The following LRRC4C variants were observed in gnomAD, a reference collection of about 807,000 sequenced individuals.
LRRC4C encodes the protein leucine rich repeat containing 4C, also known as leucine-rich repeat-containing protein 4C.
In LRRC4C, 5 loss-of-function variants were observed where a neutral mutation model predicts 33.6. The ratio of observed to expected loss-of-function variants is 0.15; its 90% CI spans 0.08 to 0.31. The LOEUF is 0.31. Ranked by LOEUF, LRRC4C falls within the 10% of genes least tolerant of loss-of-function variation. The probability of loss-of-function intolerance (pLI) is 1.00; values close to 1 mark genes in which losing one functional copy is unlikely to be tolerated. For missense variants in LRRC4C, 560 were observed against 796.7 expected (o/e 0.70, Z 3.58); for synonymous variants, 329 against 302.0 (o/e 1.09, Z -0.93).
At chr11:40,508,501 AC>A (rs111301991) in intron 3 of LRRC4C, among the ~76,000 whole-genome samples, 2,890 of 152,242 alleles carry the variant, frequency 0.019, 101 homozygotes, top group African/African-American at 0.065. Flanking sequence ...TGAAAAAAAA[AC>A]CTGCCTTGTC....
intron 3 of LRRC4C, among the ~76,000 whole-genome samples, chr11:40,504,284 G>C (rs1282024491): frequency 6.6e-6 from 1 of 152,094 alleles, no homozygotes; most frequent in Admixed American, 6.6e-5. Context: ...TGAGTTTAAA[G>C]ACATAAAAAT....
In LRRC4C at chr11:40,792,241, G is replaced by A. The variant is rs531946037; in HGVS notation, c.-407+141394C>T. Among the ~76,000 whole-genome samples, 195 of 151,296 alleles carry A rather than the reference G, an allele frequency of 1.3e-3. 1 individual carries two copies. In the South Asian group the frequency reaches 0.018, roughly 14 times the overall value. Reference sequence around the variant, plus strand: ...GAATAATTATGAAATCAATAATGACGCTTCCAAGGAGTAAAAAAAAAATGA... The same window carrying A: ...GAATAATTATGAAATCAATAATGACACTTCCAAGGAGTAAAAAAAAAATGA... On this transcript the variant is annotated intron_variant, in intron 2 of 6. Coordinates refer to ENST00000528697, the MANE Select transcript of LRRC4C (RefSeq NM_001258419.2).
chr11:40,710,950 T>C (rs1162130136), intron 2 of LRRC4C, among the ~76,000 whole-genome samples: 1 of 152,124 alleles, frequency 6.6e-6, no homozygotes, highest in African/African-American at 2.4e-5. Context: ...CGCAATATGA[T>C]CTGAGACTAG....
chr11:40,416,602 T>C (rs890135494), intron 3 of LRRC4C, among the ~76,000 whole-genome samples: 2 of 152,148 alleles, frequency 1.3e-5, no homozygotes, highest in Non-Finnish European at 2.9e-5. Context: ...AATTAATTAT[T>C]ACAAAAACCA....
chr11:40,413,068 G>C (rs940235520), intron 3 of LRRC4C, among the ~76,000 whole-genome samples: 5 of 151,916 alleles, frequency 3.3e-5, no homozygotes, highest in African/African-American at 9.7e-5. Context: ...AATTTATCTA[G>C]ACAATGAAGA....
intron 2 of LRRC4C, among the ~76,000 whole-genome samples, chr11:40,759,806 T>C (rs1300448681): frequency 2.0e-5 from 3 of 151,906 alleles, no homozygotes; most frequent in Admixed American, 1.3e-4. Flanking sequence ...CCAACTTCCC[T>C]AAAGCAGTTA....
In LRRC4C at chr11:40,856,561, T is replaced by A. The variant is rs60316696; in HGVS notation, c.-407+77074A>T. ...ATTTTATTTATGGAGGAATATCCAC[T>A]TTCTTGTTTAAACATGTTCTCTTAG... On this transcript the variant is annotated intron_variant, in intron 2 of 6. Coordinates refer to ENST00000528697, the MANE Select transcript of LRRC4C (RefSeq NM_001258419.2). Among the ~76,000 whole-genome samples the A allele has an allele frequency of 6.2e-3, 951 of 152,366 alleles. 8 individuals carry two copies. Among genetic ancestry groups the A allele is most frequent in the African/African-American group, 0.022 (901 of 41,590 alleles).
intron 3 of LRRC4C, among the ~76,000 whole-genome samples, chr11:40,536,606 C>T (rs531076116): frequency 6.6e-5 from 10 of 152,264 alleles, no homozygotes; most frequent in Non-Finnish European, 1.2e-4. Context: ...CTCAACTGGC[C>T]GCATGGCTTC....
intron 5 of LRRC4C, among the ~76,000 whole-genome samples, chr11:40,157,392 A>T (rs749427092): frequency 2.6e-5 from 4 of 152,184 alleles, no homozygotes; most frequent in Admixed American, 6.6e-5. Flanking sequence ...ATGCAATAAA[A>T]ACAAAGATAC....
chr11:41,338,939 C>T (rs1443142154), intron 1 of LRRC4C, among the ~76,000 whole-genome samples: 1 of 151,692 alleles, frequency 6.6e-6, no homozygotes, highest in African/African-American at 2.4e-5. Context: ...GAGCTTGCTA[C>T]TAGAATAAAA....
At chr11:40,156,156 C>G (rs1325424131) in intron 5 of LRRC4C, among the ~76,000 whole-genome samples, 1 of 151,970 alleles carries the variant, frequency 6.6e-6, no homozygotes, top group Non-Finnish European at 1.5e-5. Flanking sequence ...TAGCATTGCT[C>G]TATGATTAAA....
chr11:41,437,421 G>GCACACA (rs138502307), intron 1 of LRRC4C, among the ~76,000 whole-genome samples: 35,764 of 144,498 alleles, frequency 0.25, 4,661 homozygotes, highest in Non-Finnish European at 0.3. Flanking sequence ...ACGCGCGCGC[G>GCACACA]CGCGCACACA....
At chr11:40,518,888 T>C (rs1160327015) in intron 3 of LRRC4C, among the ~76,000 whole-genome samples, 1 of 152,114 alleles carries the variant, frequency 6.6e-6, no homozygotes, top group African/African-American at 2.4e-5. Context: ...ATGTGGCACA[T>C]ATACACCATG....
At chr11:41,230,906 C>CAAAA (rs200070136) in intron 1 of LRRC4C, among the ~76,000 whole-genome samples, 2 of 104,724 alleles carry the variant, frequency 1.9e-5, no homozygotes, top group Non-Finnish European at 3.6e-5. Context: ...AACAAATTTA[C>CAAAA]AAAAAAAAAA....
chr11:41,123,524 G>C (rs1360168091), intron 1 of LRRC4C, among the ~76,000 whole-genome samples: 1 of 151,208 alleles, frequency 6.6e-6, no homozygotes, highest in Non-Finnish European at 1.5e-5. Flanking sequence ...CGCCCGCCTC[G>C]GCCTCCCAAA....
At chr11:41,153,863 G>T (rs1944109320) in intron 1 of LRRC4C, among the ~76,000 whole-genome samples, 1 of 152,090 alleles carries the variant, frequency 6.6e-6, no homozygotes, top group African/African-American at 2.4e-5. Context: ...AGCCATGTGG[G>T]CTCTAAATAG....
chr11:40,607,924 C>T (rs866959985), intron 3 of LRRC4C, among the ~76,000 whole-genome samples: 50 of 152,220 alleles, frequency 3.3e-4, no homozygotes, highest in African/African-American at 1.1e-3. Context: ...TACATGCTCC[C>T]TCTAGGGGTG....
At chr11:41,112,005 T>C (rs10742576) in intron 1 of LRRC4C, among the ~76,000 whole-genome samples, 110,403 of 151,854 alleles carry the variant, frequency 0.73, 41,802 homozygotes, top group South Asian at 0.88. Flanking sequence ...TGAGAGAGGA[T>C]GTAAAAAGTA....
intron 1 of LRRC4C, among the ~76,000 whole-genome samples, chr11:41,232,629 A>G (rs1001849541): frequency 6.6e-6 from 1 of 152,072 alleles, no homozygotes; most frequent in Non-Finnish European, 1.5e-5. Context: ...GTGAATATAT[A>G]TATGCCCTCA....
Sources: allele counts gnomAD v4.1 joint callset (sites outside exome capture counted in the v4.1 genomes callset), GRCh38; gene constraint gnomAD v4.1.1; transcripts MANE v1.5; gene names NCBI Gene and HGNC (gene_info 2026-07-23, HGNC 2026-07-21).